Variants in SH3GL3 observed in about 807,000 individuals in gnomAD.
SH3GL3 encodes SH3 domain containing GRB2 like 3, endophilin A3, also known as endophilin-A3.
SH3GL3 carries 33 observed loss-of-function variants against 47.7 expected under a neutral mutation model. That is an observed-to-expected ratio of 0.69 (90% confidence interval 0.52 to 0.92). SH3GL3 has a LOEUF of 0.92. Ranked by LOEUF, SH3GL3 falls within the 40% of genes least tolerant of loss-of-function variation. The pLI, the probability that SH3GL3 is intolerant of heterozygous loss-of-function variation, is 0.00. For synonymous variants in SH3GL3, 155 were observed against 148.8 expected (o/e 1.04, Z -0.30); for missense variants, 363 against 417.8 (o/e 0.87, Z 1.14).
Position 83,597,962 on chromosome 15 carries a change from G to T in SH3GL3, c.838+9191G>T, listed in dbSNP as rs143607760. On this transcript the variant is annotated intron_variant, in intron 8 of 8. Transcript: ENST00000427482. The stretch of plus-strand genomic sequence containing the variant: ...TTAATTCTTATCTCCTTGAGTGTTT[G>T]TTGGGATCTGGAGTCTACTTTATGA... Among the ~76,000 whole-genome samples the T allele has an allele frequency of 4.1e-3, 630 of 152,298 alleles. 3 individuals carry two copies. The highest frequency in any genetic ancestry group is 0.014 in the African/African-American group (602 of 41,572).
At chr15:83,577,157 C>T (rs1454116932) in intron 6 of SH3GL3, among the ~76,000 whole-genome samples, 1 of 151,964 alleles carries the variant, frequency 6.6e-6, no homozygotes, top group African/African-American at 2.4e-5. Flanking sequence ...GATCTGCCTG[C>T]CTGGGCCTCT....
intron 2 of SH3GL3, among the ~76,000 whole-genome samples, chr15:83,561,983 A>G (rs1402190643): frequency 6.7e-6 from 1 of 148,930 alleles, no homozygotes; most frequent in Non-Finnish European, 1.5e-5. Flanking sequence ...ATGGTTTGGC[A>G]GGATATTTGC....
At chr15:83,509,244 C>T (rs562426574) in intron 1 of SH3GL3, among the ~76,000 whole-genome samples, 1 of 152,318 alleles carries the variant, frequency 6.6e-6, no homozygotes, top group South Asian at 2.1e-4. Flanking sequence ...GAGGAATGGG[C>T]AGGCATGCCC....
intron 1 of SH3GL3, among the ~76,000 whole-genome samples, chr15:83,504,256 A>G (rs953383649): frequency 6.6e-6 from 1 of 152,200 alleles, no homozygotes; most frequent in Non-Finnish European, 1.5e-5. Flanking sequence ...GAAGCAATGG[A>G]ATCTTGCCAG....
chr15:83,609,998 A>G (rs2060620967), intron 8 of SH3GL3, among the ~76,000 whole-genome samples: 1 of 152,202 alleles, frequency 6.6e-6, no homozygotes, highest in Non-Finnish European at 1.5e-5. Flanking sequence ...TGAAGCTGGA[A>G]CTCAGGCTGA....
In SH3GL3 at chr15:83,507,210, G is replaced by A. The variant is rs572468428; in HGVS notation, c.46-52043G>A. Reference sequence around the variant, plus strand: ...TTTTTAGTAGAGACAGGGTTTCACCGTGTTAACCAGGATGGTCTCGATCTC... The same window carrying A: ...TTTTTAGTAGAGACAGGGTTTCACCATGTTAACCAGGATGGTCTCGATCTC... On this transcript the variant is annotated intron_variant, in intron 1 of 8. Coordinates refer to ENST00000427482, the MANE Select transcript of SH3GL3 (RefSeq NM_003027.5). Among the ~76,000 whole-genome samples the A allele has an allele frequency of 6.6e-5, 10 of 151,830 alleles. No individual in the cohort carries two copies. The East Asian group carries it at 1.2e-3, about 18-fold the overall frequency.
intron 3 of SH3GL3, among the ~76,000 whole-genome samples, chr15:83,566,758 A>G (rs2045566762): frequency 6.6e-6 from 1 of 152,172 alleles, no homozygotes; most frequent in African/African-American, 2.4e-5. Flanking sequence ...CCTGGGCAAC[A>G]GTTGTTGTTT....
intron 8 of SH3GL3, among the ~76,000 whole-genome samples, chr15:83,615,509 A>G (rs1410739437): frequency 6.6e-6 from 1 of 152,050 alleles, no homozygotes; most frequent in African/African-American, 2.4e-5. Flanking sequence ...ATGGGGTTTC[A>G]CCATGTTGGC....
chr15:83,599,118 G>A (rs2895932), intron 8 of SH3GL3, among the ~76,000 whole-genome samples: 20,630 of 151,880 alleles, frequency 0.14, 1,863 homozygotes, highest in South Asian at 0.25. Flanking sequence ...ATTTTTTTGC[G>A]CTTTATATTT....
At chr15:83,542,171 T>G (rs1193758405) in intron 1 of SH3GL3, among the ~76,000 whole-genome samples, 1 of 152,258 alleles carries the variant, frequency 6.6e-6, no homozygotes, top group East Asian at 1.9e-4. Context: ...GGATCTAGTT[T>G]CACTCTTCTG....
intron 1 of SH3GL3, among the ~76,000 whole-genome samples, chr15:83,504,083 C>T (rs2042393662): frequency 6.6e-6 from 1 of 152,126 alleles, no homozygotes; most frequent in Admixed American, 6.5e-5. Flanking sequence ...ATATGATTGT[C>T]GAATTGCTGC....
At chr15:83,536,526 C>G (rs930896771) in intron 1 of SH3GL3, among the ~76,000 whole-genome samples, 2 of 151,722 alleles carry the variant, frequency 1.3e-5, no homozygotes, top group Admixed American at 6.6e-5. Context: ...TCTCAGCCTC[C>G]TGAGTAGCTG....
intron 1 of SH3GL3, among the ~76,000 whole-genome samples, chr15:83,468,749 A>G (rs11857571): frequency 0.093 from 13,575 of 146,456 alleles, 802 homozygotes; most frequent in East Asian, 0.27. Context: ...CTAACGTTTT[A>G]TTGTATTTTT....
chr15:83,576,252 C>A (rs2059673358), intron 5 of SH3GL3, among the ~76,000 whole-genome samples: 1 of 152,156 alleles, frequency 6.6e-6, no homozygotes, highest in South Asian at 2.1e-4. Flanking sequence ...ATTATCTGGA[C>A]ATTAAGAAGG....
At chr15:83,630,254 G>T in the SH3GL3 span, among the ~76,000 whole-genome samples, 1 of 152,130 alleles carries the variant, frequency 6.6e-6, no homozygotes, top group Admixed American at 6.5e-5. Context: ...TGTGAGAATG[G>T]ACTAATACAA....
chr15:83,483,749 A>G (rs1407264343), intron 1 of SH3GL3, among the ~76,000 whole-genome samples: 3 of 152,232 alleles, frequency 2.0e-5, no homozygotes, highest in Non-Finnish European at 2.9e-5. Context: ...TGGTAGGGGC[A>G]TCTGTAGGAT....
intron 6 of SH3GL3, among the ~76,000 whole-genome samples, chr15:83,577,235 A>G (rs1241223804): frequency 2.0e-5 from 3 of 151,916 alleles, no homozygotes; most frequent in Admixed American, 1.3e-4. Flanking sequence ...AAGAAAGTTT[A>G]TGAGTTTGTG....
At chr15:83,631,406 G>GTT in the SH3GL3 span, among the ~76,000 whole-genome samples, 8 of 152,336 alleles carry the variant, frequency 5.3e-5, no homozygotes, top group East Asian at 9.7e-4. Flanking sequence ...CCAGCTCCAT[G>GTT]TTTCCCTTCT....
chr15:83,453,266 C>G (rs2151491185), intron 1 of SH3GL3, among the ~76,000 whole-genome samples: 1 of 11,136 alleles, frequency 9.0e-5, no homozygotes, highest in Non-Finnish European at 2.1e-4. Context: ...GTCTAAAATT[C>G]TCTTTTTTGG....
Sources: allele counts gnomAD v4.1 joint callset (sites outside exome capture counted in the v4.1 genomes callset), GRCh38; gene constraint gnomAD v4.1.1; transcripts MANE v1.5; gene names NCBI Gene and HGNC (gene_info 2026-07-23, HGNC 2026-07-21).